Variants in TAFA1 observed in about 807,000 individuals in gnomAD.
TAFA1 encodes the protein TAFA chemokine like family member 1.
Under a neutral mutation model 18.5 loss-of-function variants are expected in TAFA1, and 4 were observed. The ratio of observed to expected loss-of-function variants is 0.22; its 90% CI spans 0.11 to 0.49. The LOEUF (loss-of-function observed/expected upper bound fraction) is 0.49, where lower values mean the gene tolerates loss of function less well. TAFA1 is among the 20% of genes least tolerant of loss of function. The probability of loss-of-function intolerance (pLI) is 0.98; values close to 1 mark genes in which losing one functional copy is unlikely to be tolerated. For synonymous variants in TAFA1, 56 were observed against 55.2 expected (o/e 1.01, Z -0.06); for missense variants, 147 against 169.0 (o/e 0.87, Z 0.72).
intron 2 of TAFA1, among the ~76,000 whole-genome samples, chr3:68,375,956 G>A (rs534172029): frequency 6.6e-6 from 1 of 152,114 alleles, no homozygotes; most frequent in Non-Finnish European, 1.5e-5. Context: ...CCTTCGAAAG[G>A]CACAGCCAGA....
At chr3:68,243,537 A>G (rs1360290426) in intron 2 of TAFA1, among the ~76,000 whole-genome samples, 1 of 152,144 alleles carries the variant, frequency 6.6e-6, no homozygotes, top group Non-Finnish European at 1.5e-5. Flanking sequence ...TACTATATAA[A>G]TGAAATCATA....
intron 3 of TAFA1, among the ~76,000 whole-genome samples, chr3:68,431,690 A>C (rs1255851783): frequency 6.6e-6 from 1 of 152,048 alleles, no homozygotes; most frequent in Non-Finnish European, 1.5e-5. Flanking sequence ...GTGACTTGGA[A>C]CACACAGAGG....
intron 3 of TAFA1, among the ~76,000 whole-genome samples, chr3:68,422,560 G>A (rs889209421): frequency 2.1e-4 from 32 of 152,082 alleles, no homozygotes; most frequent in Non-Finnish European, 7.4e-5. Context: ...TTGCTTTAAG[G>A]TTGAGAATCT....
intron 2 of TAFA1, among the ~76,000 whole-genome samples, chr3:68,075,567 ATGT>A (rs1214517971): frequency 6.6e-6 from 1 of 152,172 alleles, no homozygotes; most frequent in East Asian, 1.9e-4. Flanking sequence ...AGCAATTAAG[ATGT>A]TGTCTAAGTT....
chr3:68,332,428 A>G (rs752748663), intron 2 of TAFA1, among the ~76,000 whole-genome samples: 29 of 152,224 alleles, frequency 1.9e-4, no homozygotes, highest in Non-Finnish European at 3.5e-4. Context: ...ACATCAAACT[A>G]AAAAGTTATT....
intron 2 of TAFA1, among the ~76,000 whole-genome samples, chr3:68,325,886 G>A (rs1055017015): frequency 7.9e-5 from 12 of 152,118 alleles, no homozygotes; most frequent in Admixed American, 1.3e-4. Flanking sequence ...GCCCAATGAC[G>A]TGTATCTTGC....
chr3:68,175,622 G>A lies in TAFA1; in HGVS notation c.118+168878G>A, dbSNP rs1009868523. On this transcript the variant is annotated intron_variant, in intron 2 of 4. Coordinates refer to ENST00000478136, the MANE Select transcript of TAFA1 (RefSeq NM_213609.4). ...TTTGGAATGGTTGTATTTACCCAAC[G>A]CCTGTTTACCTGCTGTATCTAGAAA... 2.6e-5 allele frequency among the ~76,000 whole-genome samples: 4 copies of A among 152,228 alleles called. No individual in the cohort carries two copies. The East Asian group carries it at 5.8e-4, about 22-fold the overall frequency.
At chr3:68,395,896 T>A (rs775928024) in intron 2 of TAFA1, among the ~76,000 whole-genome samples, 2 of 152,000 alleles carry the variant, frequency 1.3e-5, no homozygotes, top group Non-Finnish European at 2.9e-5. Context: ...ATGGCACATG[T>A]ATACCTATGT....
intron 2 of TAFA1, among the ~76,000 whole-genome samples, chr3:68,416,442 A>G (rs932024901): frequency 6.6e-6 from 1 of 152,114 alleles, no homozygotes; most frequent in Admixed American, 6.6e-5. Flanking sequence ...CTGAACTCCA[A>G]ATTTGATGTT....
intron 3 of TAFA1, among the ~76,000 whole-genome samples, chr3:68,536,333 G>A (rs146975634): frequency 3.3e-3 from 508 of 152,286 alleles, no homozygotes; most frequent in Non-Finnish European, 5.4e-3. Context: ...TTGCTTCAGG[G>A]TCTACTCCAT....
At chr3:68,033,743 A>T (rs1384499137) in intron 2 of TAFA1, among the ~76,000 whole-genome samples, 2 of 152,220 alleles carry the variant, frequency 1.3e-5, no homozygotes. Context: ...GAGGAACTGG[A>T]ATATATGTTT....
chr3:68,148,381 T>C (rs1462041167), intron 2 of TAFA1, among the ~76,000 whole-genome samples: 2 of 152,220 alleles, frequency 1.3e-5, no homozygotes, highest in Non-Finnish European at 1.5e-5. Context: ...CCCTTATAAA[T>C]GGGCAATAAG....
chr3:68,242,589 AT>A (rs1055772373), intron 2 of TAFA1, among the ~76,000 whole-genome samples: 1 of 152,166 alleles, frequency 6.6e-6, no homozygotes, highest in African/African-American at 2.4e-5. Flanking sequence ...ACCTAGTTTA[AT>A]TGCCACATTA....
At chr3:68,290,996 C>T (rs1373406091) in intron 2 of TAFA1, among the ~76,000 whole-genome samples, 1 of 151,006 alleles carries the variant, frequency 6.6e-6, no homozygotes, top group Non-Finnish European at 1.5e-5. Context: ...TTTTTTTCAC[C>T]TGTAGAATGG....
intron 2 of TAFA1, among the ~76,000 whole-genome samples, chr3:68,320,138 G>A (rs1491756): frequency 0.81 from 123,430 of 152,126 alleles, 50,436 homozygotes; most frequent in East Asian, 0.92. Flanking sequence ...TTCTTTTCCC[G>A]GTAAAATCCA....
At chr3:68,335,131 A>G (rs936022077) in intron 2 of TAFA1, among the ~76,000 whole-genome samples, 1 of 152,188 alleles carries the variant, frequency 6.6e-6, no homozygotes, top group Admixed American at 6.6e-5. Flanking sequence ...CTTTTGTTAC[A>G]TGCCTTTTAT....
intron 3 of TAFA1, among the ~76,000 whole-genome samples, chr3:68,432,830 G>A (rs965629534): frequency 6.6e-6 from 1 of 151,984 alleles, no homozygotes; most frequent in East Asian, 1.9e-4. Flanking sequence ...CTAGGAGTGT[G>A]CATTTCACTG....
chr3:68,385,786 T>C (rs527733073), intron 2 of TAFA1, among the ~76,000 whole-genome samples: 2 of 152,210 alleles, frequency 1.3e-5, no homozygotes, highest in East Asian at 3.9e-4. Context: ...AAATTATTTG[T>C]CTTTTCAAAT....
At chr3:68,119,305 T>G (rs1258029470) in intron 2 of TAFA1, among the ~76,000 whole-genome samples, 2 of 152,162 alleles carry the variant, frequency 1.3e-5, no homozygotes, top group Non-Finnish European at 2.9e-5. Flanking sequence ...GATACATGAT[T>G]TACAAATATT....
Sources: gnomAD v4.1 joint callset for allele counts (sites outside exome capture counted in the v4.1 genomes callset) on GRCh38, gnomAD v4.1.1 for gene constraint, MANE v1.5 for transcripts, NCBI Gene and HGNC (gene_info 2026-07-23, HGNC 2026-07-21) for gene names.